Variants in DIAPH3 observed in about 807,000 individuals in gnomAD.
The protein encoded by DIAPH3 is diaphanous related formin 3.
DIAPH3 carries 117 observed loss-of-function variants against 144.3 expected under a neutral mutation model. The observed-to-expected ratio is 0.81, with a 90% CI of 0.70 to 0.95. The LOEUF is 0.95. Among genes scored for constraint, DIAPH3 ranks in the 40% least tolerant of loss-of-function variants. The probability of loss-of-function intolerance (pLI) is 0.00; values close to 1 mark genes in which losing one functional copy is unlikely to be tolerated. For missense variants in DIAPH3, 1,421 were observed against 1,412.7 expected (o/e 1.01, Z -0.09); for synonymous variants, 519 against 488.9 (o/e 1.06, Z -0.81).
chr13:60,049,536 A>G (rs899189309), intron 4 of DIAPH3, among the ~76,000 whole-genome samples: 14 of 152,208 alleles, frequency 9.2e-5, no homozygotes, highest in African/African-American at 3.4e-4. Flanking sequence ...ACTCCTAAAC[A>G]TTGGTTAGAC....
chr13:59,910,161 G>A (rs1164626065), intron 20 of DIAPH3, among the ~76,000 whole-genome samples: 5 of 135,908 alleles, frequency 3.7e-5, no homozygotes, highest in African/African-American at 1.3e-4. Context: ...TTTAATTCAA[G>A]TGTCAAAACA....
At chr13:60,100,078 A>C (rs942954488) in intron 3 of DIAPH3, among the ~76,000 whole-genome samples, 5 of 152,196 alleles carry the variant, frequency 3.3e-5, no homozygotes, top group Non-Finnish European at 7.3e-5. Context: ...AAAAAGCAAA[A>C]TAAATTGAGG....
intron 27 of DIAPH3, among the ~76,000 whole-genome samples, chr13:59,742,591 A>C (rs2036513513): frequency 6.7e-6 from 1 of 149,272 alleles, no homozygotes; most frequent in African/African-American, 2.5e-5. Context: ...AAAAGGAAAG[A>C]GAAAAGAAAA....
chr13:59,776,495 G>C (rs186454146), intron 25 of DIAPH3, among the ~76,000 whole-genome samples: 1 of 151,404 alleles, frequency 6.6e-6, no homozygotes, highest in African/African-American at 2.4e-5. Context: ...GATAGTAAAA[G>C]AAAAAGAAAA....
At chr13:59,905,929 T>G (rs560206081) in intron 20 of DIAPH3, among the ~76,000 whole-genome samples, 3 of 152,310 alleles carry the variant, frequency 2.0e-5, no homozygotes, top group African/African-American at 7.2e-5. Context: ...GATCATAAAC[T>G]TGTGTTGTTT....
At chr13:59,814,905 T>C (rs767077287) in intron 24 of DIAPH3, among the ~76,000 whole-genome samples, 8 of 152,254 alleles carry the variant, frequency 5.3e-5, no homozygotes, top group Non-Finnish European at 8.8e-5. Context: ...GACTTTTTTA[T>C]ATACCACACG....
At chr13:60,063,665 G>A (rs2056851600) in intron 4 of DIAPH3, among the ~76,000 whole-genome samples, 3 of 152,076 alleles carry the variant, frequency 2.0e-5, no homozygotes, top group South Asian at 4.2e-4. Context: ...AGTGGCTAAC[G>A]CCTGTAATCA....
intron 25 of DIAPH3, among the ~76,000 whole-genome samples, chr13:59,804,373 T>TA (rs2040087550): frequency 6.6e-6 from 1 of 152,160 alleles, no homozygotes; most frequent in Admixed American, 6.6e-5. Flanking sequence ...TCATCAGTGG[T>TA]AAAATATAAT....
chr13:59,987,756 T>C (rs1446293398), intron 12 of DIAPH3, among the ~76,000 whole-genome samples: 2 of 150,028 alleles, frequency 1.3e-5, no homozygotes, highest in Non-Finnish European at 3.0e-5. Context: ...ATGATGTCAC[T>C]CATCATTAGT....
At chr13:60,093,453 A>G (rs1412031137) in intron 4 of DIAPH3, among the ~76,000 whole-genome samples, 175 bp downstream of exon 4, 1 of 152,226 alleles carries the variant, frequency 6.6e-6, no homozygotes, top group East Asian at 1.9e-4. Context: ...AAGTTTTAAG[A>G]TGAGAAATAT....
At chr13:59,886,159 T>C (rs921026969) in intron 20 of DIAPH3, among the ~76,000 whole-genome samples, 1 of 152,152 alleles carries the variant, frequency 6.6e-6, no homozygotes, top group Non-Finnish European at 1.5e-5. Context: ...TCTAGTTATC[T>C]TTTATCTTTT....
chr13:59,774,870 T>C (rs527601529), intron 25 of DIAPH3, 47 bp from the exon 26 acceptor site: 6 of 1,503,686 alleles, frequency 4.0e-6, no homozygotes, highest in East Asian at 4.5e-5. Context: ...AGGGTTACCA[T>C]AGCAATGTCA....
chr13:59,905,870 A>G (rs904589304), intron 20 of DIAPH3, among the ~76,000 whole-genome samples: 17 of 152,212 alleles, frequency 1.1e-4, no homozygotes, highest in Admixed American at 7.9e-4. Context: ...CCTCAGAAGG[A>G]ATGCACCCAA....
chr13:59,763,527 T>A (rs2037716905), intron 27 of DIAPH3, among the ~76,000 whole-genome samples: 1 of 151,710 alleles, frequency 6.6e-6, no homozygotes, highest in South Asian at 2.1e-4. Flanking sequence ...AAATAAAAAA[T>A]AAAAAAATTA....
chr13:59,930,142 C>T (rs2047954923), intron 17 of DIAPH3, among the ~76,000 whole-genome samples: 1 of 151,980 alleles, frequency 6.6e-6, no homozygotes, highest in Non-Finnish European at 1.5e-5. Flanking sequence ...AGAAACTTTG[C>T]CTAATTTTGT....
intron 22 of DIAPH3, among the ~76,000 whole-genome samples, chr13:59,859,599 A>G (rs1397629322): frequency 6.6e-6 from 1 of 152,144 alleles, no homozygotes; most frequent in Non-Finnish European, 1.5e-5. Flanking sequence ...GGCACTTTGT[A>G]CCTACCATGT....
intron 22 of DIAPH3, among the ~76,000 whole-genome samples, chr13:59,840,635 C>A (rs2042288134): frequency 6.6e-6 from 1 of 151,838 alleles, no homozygotes; most frequent in African/African-American, 2.4e-5. Flanking sequence ...AATGTATTTT[C>A]TTATTTTAAA....
chr13:60,154,172 G>C (rs80164579), intron 1 of DIAPH3, among the ~76,000 whole-genome samples: 2,867 of 152,186 alleles, frequency 0.019, 84 homozygotes, highest in African/African-American at 0.064. Flanking sequence ...ATGCCCTAAA[G>C]TGTAGGCAAA....
intron 1 of DIAPH3, among the ~76,000 whole-genome samples, chr13:60,155,497 T>G (rs918166440): frequency 2.6e-5 from 4 of 152,192 alleles, no homozygotes; most frequent in African/African-American, 7.2e-5. Context: ...TTAAGAAGGA[T>G]AGAAAGGAAA....
Sources: allele counts gnomAD v4.1 joint callset (sites outside exome capture counted in the v4.1 genomes callset), GRCh38; gene constraint gnomAD v4.1.1; transcripts MANE v1.5; gene names NCBI Gene and HGNC (gene_info 2026-07-23, HGNC 2026-07-21).